Variants in ZSWIM6 observed in about 807,000 individuals in gnomAD.
The protein encoded by ZSWIM6 is zinc finger SWIM domain-containing protein 6.
A neutral mutation model predicts 113.2 loss-of-function variants in ZSWIM6; 9 were observed. The ratio of observed to expected loss-of-function variants is 0.08; its 90% CI spans 0.05 to 0.14. The LOEUF (loss-of-function observed/expected upper bound fraction) is 0.14, where lower values mean the gene tolerates loss of function less well. Among genes scored for constraint, ZSWIM6 ranks in the 10% least tolerant of loss-of-function variants. The pLI is 1.00. For missense variants in ZSWIM6, 1,162 were observed against 1,552.2 expected (o/e 0.75, Z 4.22); for synonymous variants, 611 against 606.5 (o/e 1.01, Z -0.11).
chr5:61,471,299 T>TCA (rs1747564366), intron 1 of ZSWIM6, among the ~76,000 whole-genome samples: 1 of 151,088 alleles, frequency 6.6e-6, no homozygotes, highest in African/African-American at 2.4e-5. Flanking sequence ...AATATGGCTT[T>TCA]GAGAGAGAGA....
intron 4 of ZSWIM6, among the ~76,000 whole-genome samples, chr5:61,507,842 G>A (rs1188272904): frequency 6.6e-6 from 1 of 152,022 alleles, no homozygotes; most frequent in African/African-American, 2.4e-5. Flanking sequence ...TGAAATATGA[G>A]GAATGGAATG....
chr5:61,461,918 C>G (rs1471197953), intron 1 of ZSWIM6, among the ~76,000 whole-genome samples: 1 of 152,110 alleles, frequency 6.6e-6, no homozygotes, highest in Non-Finnish European at 1.5e-5. Flanking sequence ...GCTTATTTTT[C>G]ATCATTATGT....
chr5:61,360,451 T>C (rs1430221852), intron 1 of ZSWIM6, among the ~76,000 whole-genome samples: 3 of 152,228 alleles, frequency 2.0e-5, no homozygotes, highest in East Asian at 1.9e-4. Flanking sequence ...GAAATAGGCA[T>C]GGAGAAGGTA....
intron 1 of ZSWIM6, chr5:61,391,503 A>C: frequency 1.6e-6 from 2 of 1,280,192 alleles, no homozygotes; most frequent in African/African-American, 1.5e-5. Context: ...TCTTAGATTT[A>C]TGCCGGTTTT....
chr5:61,413,026 A>G (rs1157394541), intron 1 of ZSWIM6, among the ~76,000 whole-genome samples: 2 of 124,558 alleles, frequency 1.6e-5, no homozygotes, highest in South Asian at 4.9e-4. Context: ...TTTCTTTTTT[A>G]TTATTATTAT....
intron 1 of ZSWIM6, among the ~76,000 whole-genome samples, chr5:61,336,858 G>C (rs1744409988): frequency 6.6e-6 from 1 of 152,214 alleles, no homozygotes; most frequent in Non-Finnish European, 1.5e-5. Context: ...TGGACCAAAG[G>C]TTGGTAGAAA....
At chr5:61,496,153 C>T (rs1395106256) in intron 4 of ZSWIM6, among the ~76,000 whole-genome samples, 2 of 151,914 alleles carry the variant, frequency 1.3e-5, no homozygotes, top group African/African-American at 4.8e-5. Context: ...CTAGTTATGC[C>T]CTCTTATGGA....
At chr5:61,540,859 C>T (rs1198344384) in intron 12 of ZSWIM6, among the ~76,000 whole-genome samples, 2 of 150,446 alleles carry the variant, frequency 1.3e-5, no homozygotes, top group Admixed American at 1.3e-4. Context: ...ATTTCTAGAA[C>T]CTAAAAAGGA....
At chr5:61,461,511 C>T (rs945264809) in intron 1 of ZSWIM6, among the ~76,000 whole-genome samples, 2 of 152,182 alleles carry the variant, frequency 1.3e-5, no homozygotes, top group Non-Finnish European at 2.9e-5. Context: ...CGGTCCTCTT[C>T]TGTGGACTGT....
chr5:61,359,150 C>T (rs1283502887), intron 1 of ZSWIM6, among the ~76,000 whole-genome samples: 1 of 152,098 alleles, frequency 6.6e-6, no homozygotes, highest in African/African-American at 2.4e-5. Context: ...GGATAAGGCT[C>T]TGCAGTGGGA....
intron 9 of ZSWIM6, among the ~76,000 whole-genome samples, chr5:61,533,514 T>G (rs1296746024): frequency 2.6e-5 from 4 of 152,246 alleles, no homozygotes; most frequent in African/African-American, 7.2e-5. Flanking sequence ...GTTGTCATTA[T>G]TCAGTAGTAC....
intron 1 of ZSWIM6, among the ~76,000 whole-genome samples, chr5:61,467,543 T>A (rs904928021): frequency 1.3e-5 from 2 of 152,334 alleles, no homozygotes; most frequent in East Asian, 1.9e-4. Flanking sequence ...AAGTATTTTT[T>A]AAAATATTGA....
At chr5:61,443,534 A>G (rs1746882659) in intron 1 of ZSWIM6, among the ~76,000 whole-genome samples, 1 of 152,232 alleles carries the variant, frequency 6.6e-6, no homozygotes, top group Non-Finnish European at 1.5e-5. Context: ...ATTGAGGTCA[A>G]AATGACTGAA....
At chr5:61,490,648 A>G in intron 2 of ZSWIM6, 138 bp from the exon 3 acceptor site, 1 of 808,934 alleles carries the variant, frequency 1.2e-6, no homozygotes, top group East Asian at 3.0e-5. Context: ...TGATCCTTGT[A>G]TTTAGTTTGT....
At position 61,538,941 on chromosome 5, in the gene ZSWIM6, C is replaced by T. The variant is rs781214001; in HGVS notation, c.2509C>T (p.Leu837=). The T allele has an allele frequency of 5.4e-5, 84 of 1,551,932 alleles. No individual in the cohort carries two copies. The highest frequency in any genetic ancestry group is 7.1e-5 in the Non-Finnish European group (82 of 1,147,062). Residue 837 remains leucine (L), a synonymous_variant, in exon 11 of 14, where the codon CTG becomes TTG. Coordinates refer to ENST00000252744, the MANE Select transcript of ZSWIM6 (RefSeq NM_020928.2). The part of the protein sequence containing the change: ...LSHIESQQCE[L]ASTMLTAAKG... ...CCACATTGAGTCCCAGCAGTGTGAG[C>T]TGGCATCCACCATGCTAACTGCAGC...
chr5:61,413,019 CT>C (rs932081762), intron 1 of ZSWIM6, among the ~76,000 whole-genome samples: 8 of 137,798 alleles, frequency 5.8e-5, no homozygotes, highest in Admixed American at 5.8e-4. Flanking sequence ...CTTATTTTTT[CT>C]TTTTTATTAT....
chr5:61,501,792 T>TA (rs1156242005), intron 4 of ZSWIM6, among the ~76,000 whole-genome samples: 4 of 152,254 alleles, frequency 2.6e-5, no homozygotes, highest in Non-Finnish European at 2.9e-5. Context: ...TCTTTCTACT[T>TA]ACAGCATTAG....
rs544552462 is a variant in ZSWIM6 at position 61,479,272 on chromosome 5, TTAGTGCCAAAGAAG to T, written c.1033+6254_1033+6267del. On this transcript the variant is annotated intron_variant, in intron 2 of 13. Transcript: ENST00000252744. ...ATATGAAAAGTTTTTACATTTCACTTTAGTGCCAAAGAAGTAGTGCCAAAGAAGTAGTCTTTGAA... is the reference window on the plus strand; with the variant it reads ...ATATGAAAAGTTTTTACATTTCACTTTAGTGCCAAAGAAGTAGTCTTTGAA... 4.1e-4 allele frequency among the ~76,000 whole-genome samples: 63 copies of T among 152,276 alleles called. No homozygotes were observed. In the South Asian group the frequency reaches 6.6e-3, roughly 16 times the overall value.
intron 1 of ZSWIM6, among the ~76,000 whole-genome samples, chr5:61,456,742 A>G (rs567651651): frequency 1.3e-5 from 2 of 152,328 alleles, no homozygotes; most frequent in African/African-American, 2.4e-5. Flanking sequence ...GAGAGAAGTG[A>G]AAGAGAACCA....
Sources: allele counts gnomAD v4.1 joint callset (sites outside exome capture counted in the v4.1 genomes callset), GRCh38; gene constraint gnomAD v4.1.1; transcripts MANE v1.5; gene names NCBI Gene and HGNC (gene_info 2026-07-23, HGNC 2026-07-21).